COL28A1: variants seen among roughly 807,000 people sequenced by gnomAD.
The protein encoded by COL28A1 is collagen type XXVIII alpha 1 chain.
Under a neutral mutation model 150.2 loss-of-function variants are expected in COL28A1, and 161 were observed. That is an observed-to-expected ratio of 1.07 (90% confidence interval 0.94 to 1.22). COL28A1 has a LOEUF of 1.22. Ranked by LOEUF, COL28A1 falls within the 50% of genes most tolerant of loss-of-function variation. The pLI, the probability that COL28A1 is intolerant of heterozygous loss-of-function variation, is 0.00. For missense variants in COL28A1, 1,617 were observed against 1,388.3 expected (o/e 1.16, Z -2.62); for synonymous variants, 552 against 469.7 (o/e 1.18, Z -2.26).
chr7:7,391,184 T>C (rs1437827445), intron 27 of COL28A1, among the ~76,000 whole-genome samples: 1 of 152,202 alleles, frequency 6.6e-6, no homozygotes, highest in African/African-American at 2.4e-5. Context: ...GTATCTTTGT[T>C]CTCCTTGGTT....
At chr7:7,362,715 G>A (rs769683181) in intron 33 of COL28A1, among the ~76,000 whole-genome samples, 1 of 152,126 alleles carries the variant, frequency 6.6e-6, no homozygotes, top group Non-Finnish European at 1.5e-5. Flanking sequence ...TGGTACAAGT[G>A]GAGACAAAAC....
intron 3 of COL28A1, among the ~76,000 whole-genome samples, chr7:7,530,479 T>C (rs1482656447): frequency 6.6e-6 from 1 of 152,182 alleles, no homozygotes; most frequent in Non-Finnish European, 1.5e-5. Flanking sequence ...AAACGCTCAG[T>C]ACATAAAGGA....
intron 25 of COL28A1, among the ~76,000 whole-genome samples, chr7:7,425,934 A>G (rs2128311064): frequency 6.6e-6 from 1 of 152,324 alleles, no homozygotes; most frequent in East Asian, 1.9e-4. Flanking sequence ...GGAAATAATC[A>G]GCCCATTAGA....
chr7:7,416,250 C>A (rs1281580571), intron 27 of COL28A1, among the ~76,000 whole-genome samples: 1 of 152,150 alleles, frequency 6.6e-6, no homozygotes, highest in East Asian at 1.9e-4. Flanking sequence ...TGATGGGAGG[C>A]TTCAGGACCT....
chr7:7,423,062 G>A (rs1404320028), intron 25 of COL28A1, among the ~76,000 whole-genome samples: 1 of 152,172 alleles, frequency 6.6e-6, no homozygotes, highest in Non-Finnish European at 1.5e-5. Flanking sequence ...GTGAATGCTG[G>A]ATATTTGCTA....
At chr7:7,361,961 G>A (rs77390943) in intron 33 of COL28A1, among the ~76,000 whole-genome samples, 8 of 152,212 alleles carry the variant, frequency 5.3e-5, no homozygotes, top group African/African-American at 1.4e-4. Context: ...GTTCTCATTC[G>A]TAAGTGGGAG....
chr7:7,502,371 T>C (rs1470257507), intron 11 of COL28A1, among the ~76,000 whole-genome samples: 2 of 152,164 alleles, frequency 1.3e-5, no homozygotes, highest in Admixed American at 6.5e-5. Flanking sequence ...TTGACAGAAA[T>C]AATTTGTGAA....
At chr7:7,342,502 A>G in the COL28A1 span, among the ~76,000 whole-genome samples, 1 of 151,448 alleles carries the variant, frequency 6.6e-6, no homozygotes, top group Non-Finnish European at 1.5e-5. Context: ...TAGGACTAAC[A>G]TTTTGTTTTG....
At chr7:7,397,954 A>G (rs1782940153) in intron 27 of COL28A1, among the ~76,000 whole-genome samples, 1 of 152,214 alleles carries the variant, frequency 6.6e-6, no homozygotes, top group Non-Finnish European at 1.5e-5. Flanking sequence ...ATATTTTTGC[A>G]TTTGCCTCAG....
intron 27 of COL28A1, among the ~76,000 whole-genome samples, chr7:7,382,259 G>C (rs1001325217): frequency 1.3e-5 from 2 of 151,604 alleles, no homozygotes; most frequent in African/African-American, 4.8e-5. Context: ...GCAATAAGCT[G>C]AGATTGCACC....
At chr7:7,457,971 A>T (rs765260460) in intron 15 of COL28A1, among the ~76,000 whole-genome samples, 2 of 152,214 alleles carry the variant, frequency 1.3e-5, no homozygotes, top group Non-Finnish European at 2.9e-5. Flanking sequence ...CTCGTAATTG[A>T]TCAATGCTGC....
chr7:7,520,092 G>T lies in COL28A1; in HGVS notation c.783C>A (p.Ile261=). The T allele has an allele frequency of 2.1e-6, 3 of 1,433,372 alleles. No individual in the cohort carries two copies. Among genetic ancestry groups the T allele is most frequent in the Admixed American group, 1.7e-5 (1 of 59,598 alleles). The allele number at this position is 1,433,372 out of a possible 1,614,324, so 88.8% of individuals were successfully genotyped here. ...TTCCTTTTGGTCCTCGCTCACCTTT[G>T]ATACCTGGATTTCCATGTGTACCCT... ...GPPGTHGNPG[I]KGERGPKGNP... Residue 261 remains isoleucine, a synonymous_variant, in exon 6 of 35, where the codon ATC becomes ATA. Coordinates refer to ENST00000399429, the MANE Select transcript of COL28A1 (RefSeq NM_001037763.3).
chr7:7,483,514 G>C (rs1458072421), intron 13 of COL28A1, among the ~76,000 whole-genome samples: 1 of 152,080 alleles, frequency 6.6e-6, no homozygotes, highest in South Asian at 2.1e-4. Flanking sequence ...CATTATCTAA[G>C]TGGTTCATGA....
At chr7:7,441,641 T>C (rs984682589) in intron 20 of COL28A1, among the ~76,000 whole-genome samples, 3 of 152,212 alleles carry the variant, frequency 2.0e-5, no homozygotes, top group Non-Finnish European at 4.4e-5. Context: ...GAGAGCTTGT[T>C]AGACCACAGA....
intron 11 of COL28A1, among the ~76,000 whole-genome samples, chr7:7,499,186 A>G (rs1780384347): frequency 2.6e-5 from 4 of 152,154 alleles, no homozygotes; most frequent in Admixed American, 2.0e-4. Flanking sequence ...TAGGCCCAGA[A>G]CAGAAATAGC....
At chr7:7,528,549 C>T (rs1782158304) in intron 3 of COL28A1, among the ~76,000 whole-genome samples, 1 of 152,124 alleles carries the variant, frequency 6.6e-6, no homozygotes, top group African/African-American at 2.4e-5. Flanking sequence ...CAACTAAAGT[C>T]TATTCTACAA....
intron 30 of COL28A1, among the ~76,000 whole-genome samples, chr7:7,378,427 C>T (rs540143320): frequency 5.3e-5 from 8 of 152,230 alleles, no homozygotes; most frequent in Middle Eastern, 3.4e-3. Context: ...GGCCAGACAC[C>T]GGGAAATGCT....
At chr7:7,399,311 C>T (rs1326564515) in intron 27 of COL28A1, among the ~76,000 whole-genome samples, 1 of 152,278 alleles carries the variant, frequency 6.6e-6, no homozygotes, top group East Asian at 1.9e-4. Flanking sequence ...TGACCTCAGC[C>T]AAGAGTGACA....
At chr7:7,523,481 G>A (rs776909326) in intron 4 of COL28A1, among the ~76,000 whole-genome samples, 2 of 151,502 alleles carry the variant, frequency 1.3e-5, no homozygotes, top group Non-Finnish European at 2.9e-5. Flanking sequence ...TTTCTTAATG[G>A]TACATAACAT....
Sources: gnomAD v4.1 joint callset for allele counts (sites outside exome capture counted in the v4.1 genomes callset) on GRCh38, gnomAD v4.1.1 for gene constraint, MANE v1.5 for transcripts, NCBI Gene and HGNC (gene_info 2026-07-23, HGNC 2026-07-21) for gene names.